The following CFAP20DC variants were observed in gnomAD, a reference collection of about 807,000 sequenced individuals.
CFAP20DC encodes CFAP20 domain containing.
A neutral mutation model predicts 101.7 loss-of-function variants in CFAP20DC; 84 were observed. That is an observed-to-expected ratio of 0.83 (90% CI 0.69 to 0.99). The LOEUF (loss-of-function observed/expected upper bound fraction) is 0.99, where lower values mean the gene tolerates loss of function less well. Ranked by LOEUF, CFAP20DC falls within the 50% of genes least tolerant of loss-of-function variation. The pLI, the probability that CFAP20DC is intolerant of heterozygous loss-of-function variation, is 0.00. For missense variants in CFAP20DC, 1,007 were observed against 970.3 expected (o/e 1.04, Z -0.50); for synonymous variants, 359 against 351.2 (o/e 1.02, Z -0.25).
intron 14 of CFAP20DC, among the ~76,000 whole-genome samples, chr3:58,820,869 C>T (rs1439972942): frequency 6.7e-6 from 1 of 149,892 alleles, no homozygotes; most frequent in African/African-American, 2.5e-5. Flanking sequence ...AAGCTGGAGC[C>T]ATCACACTAC....
intron 4 of CFAP20DC, among the ~76,000 whole-genome samples, chr3:59,031,805 T>C (rs889756025): frequency 3.3e-5 from 5 of 152,300 alleles, no homozygotes; most frequent in Admixed American, 1.3e-4. Flanking sequence ...ATTTCTCAAA[T>C]TTATGTCACT....
At chr3:59,021,639 C>T (rs758582614) in intron 4 of CFAP20DC, among the ~76,000 whole-genome samples, 1 of 152,086 alleles carries the variant, frequency 6.6e-6, no homozygotes, top group African/African-American at 2.4e-5. Context: ...AGCAGCTACA[C>T]AGATTGAACC....
At chr3:58,898,173 A>T (rs1295703087) in intron 6 of CFAP20DC, among the ~76,000 whole-genome samples, 1 of 147,176 alleles carries the variant, frequency 6.8e-6, no homozygotes, top group African/African-American at 2.5e-5. Context: ...TCTGTTACTG[A>T]TACTTTTTTT....
In CFAP20DC at chr3:58,796,076, G is replaced by C. The variant is rs9817241; in HGVS notation, c.2237+10319C>G. ...ACATCTGTTGTGATGGCTAGTTGGT[G>C]CCCGGGTCAGTGTAACTGGACCAGG... On this transcript the variant is annotated intron_variant, in intron 15 of 16. Transcript: ENST00000482387. Among the ~76,000 whole-genome samples, 1,510 of 152,304 alleles carry C rather than the reference G, an allele frequency of 9.9e-3. 23 individuals carry two copies. Among genetic ancestry groups the C allele is most frequent in the African/African-American group, 0.035 (1,460 of 41,564 alleles).
chr3:58,790,031 T>A (rs1286649899), intron 15 of CFAP20DC, among the ~76,000 whole-genome samples: 1 of 152,216 alleles, frequency 6.6e-6, no homozygotes, highest in Non-Finnish European at 1.5e-5. Flanking sequence ...TTAACAATTA[T>A]ACTAATTATT....
intron 4 of CFAP20DC, among the ~76,000 whole-genome samples, chr3:58,974,392 G>C (rs2092146866): frequency 6.6e-6 from 1 of 152,058 alleles, no homozygotes; most frequent in African/African-American, 2.4e-5. Flanking sequence ...ATTCACTTAG[G>C]AAAATGGACC....
intron 15 of CFAP20DC, among the ~76,000 whole-genome samples, chr3:58,762,765 T>A (rs1346749863): frequency 1.3e-5 from 2 of 151,034 alleles, no homozygotes; most frequent in Admixed American, 1.3e-4. Context: ...TTTGCTTGTC[T>A]GTAAAGGATT....
chr3:58,986,986 G>A (rs1038776953), intron 4 of CFAP20DC, among the ~76,000 whole-genome samples: 1 of 151,834 alleles, frequency 6.6e-6, no homozygotes, highest in African/African-American at 2.4e-5. Flanking sequence ...TAAGTAAATA[G>A]GATACCATAA....
At chr3:58,982,607 CA>C (rs944370401) in intron 4 of CFAP20DC, among the ~76,000 whole-genome samples, 2 of 146,012 alleles carry the variant, frequency 1.4e-5, no homozygotes, top group African/African-American at 5.1e-5. Flanking sequence ...ATCACAAGGA[CA>C]AAAAAAACAA....
chr3:59,047,079 T>G, intron 2 of CFAP20DC, 86 bp downstream of exon 2: 1 of 858,694 alleles, frequency 1.2e-6, no homozygotes, highest in South Asian at 1.6e-5. Flanking sequence ...GAAAAACAGC[T>G]CTGAAATTTG....
intron 6 of CFAP20DC, among the ~76,000 whole-genome samples, chr3:58,889,492 T>C (rs905072102): frequency 2.6e-5 from 4 of 152,176 alleles, no homozygotes; most frequent in Non-Finnish European, 5.9e-5. Flanking sequence ...TACCTCTATT[T>C]ACCAAACCAT....
In CFAP20DC at chr3:58,849,025, C is replaced by G. The variant is rs1333723065; in HGVS notation, c.1971+7G>C. 3 of 1,533,696 alleles carry G rather than the reference C, an allele frequency of 2.0e-6. No homozygotes were observed. The highest frequency in any genetic ancestry group is 2.6e-6 in the Non-Finnish European group (3 of 1,145,906). ...CGGCATCTGTAAACCACACGGGAACCACTTACAGATGCTTCGGGGATCGAG... is the reference window on the plus strand; with the variant it reads ...CGGCATCTGTAAACCACACGGGAACGACTTACAGATGCTTCGGGGATCGAG... On this transcript the variant is annotated splice_region_variant and intron_variant, in intron 13 of 16. Transcript: ENST00000482387.
chr3:59,042,360 G>C (rs1699467694), intron 3 of CFAP20DC, among the ~76,000 whole-genome samples: 2 of 151,926 alleles, frequency 1.3e-5, no homozygotes, highest in Non-Finnish European at 2.9e-5. Context: ...AAGAATATAA[G>C]TCATCCTAAA....
At chr3:58,754,263 C>T (rs949458403) in intron 15 of CFAP20DC, among the ~76,000 whole-genome samples, 26 of 152,178 alleles carry the variant, frequency 1.7e-4, no homozygotes, top group African/African-American at 6.3e-4. Flanking sequence ...TCACACTCCA[C>T]AAGGTGACTC....
chr3:59,036,409 G>C (rs2094104341), intron 4 of CFAP20DC, among the ~76,000 whole-genome samples: 1 of 152,076 alleles, frequency 6.6e-6, no homozygotes, highest in Non-Finnish European at 1.5e-5. Context: ...CATCGTCTCA[G>C]CCCAAAAACT....
chr3:58,730,273 GA>G (rs1204071402), intron 3 of CFAP20DC, among the ~76,000 whole-genome samples: 1 of 152,148 alleles, frequency 6.6e-6, no homozygotes, highest in Admixed American at 6.5e-5. Flanking sequence ...GGGAGATGAT[GA>G]ATATGTTAAT....
At chr3:58,968,427 A>G (rs1022473384) in intron 4 of CFAP20DC, among the ~76,000 whole-genome samples, 1 of 151,906 alleles carries the variant, frequency 6.6e-6, no homozygotes, top group Non-Finnish European at 1.5e-5. Context: ...ATGGTATCTC[A>G]TTGTGGTTTT....
intron 6 of CFAP20DC, among the ~76,000 whole-genome samples, chr3:58,890,468 C>T (rs1186653476): frequency 2.2e-5 from 3 of 138,320 alleles, no homozygotes; most frequent in African/African-American, 5.6e-5. Context: ...CCGGACGGGG[C>T]GGCTGGTCGG....
intron 4 of CFAP20DC, among the ~76,000 whole-genome samples, chr3:59,031,537 T>C (rs1029643545): frequency 5.9e-5 from 9 of 152,174 alleles, no homozygotes; most frequent in African/African-American, 2.2e-4. Flanking sequence ...GATACGTGAG[T>C]GCATCAAACA....
Sources: allele counts gnomAD v4.1 joint callset (sites outside exome capture counted in the v4.1 genomes callset), GRCh38; gene constraint gnomAD v4.1.1; transcripts MANE v1.5; gene names NCBI Gene and HGNC (gene_info 2026-07-23, HGNC 2026-07-21).